Variants in MYLK4 observed in about 807,000 individuals in gnomAD.
MYLK4 encodes the protein myosin light chain kinase family member 4.
In MYLK4, 46 loss-of-function variants were observed where a neutral mutation model predicts 48.1. The ratio of observed to expected loss-of-function variants is 0.96; its 90% CI spans 0.75 to 1.22. The LOEUF is 1.22. Ranked by LOEUF, MYLK4 falls within the 50% of genes most tolerant of loss-of-function variation. The pLI is 0.00. For missense variants in MYLK4, 451 were observed against 486.1 expected, an observed-to-expected ratio of 0.93 and a Z score of 0.68; for synonymous variants, 170 against 180.8, an observed-to-expected ratio of 0.94 and a Z score of 0.48.
chr6:2,765,209 CCGCAAA>C, the MYLK4 span, among the ~76,000 whole-genome samples: 1 of 145,490 alleles, frequency 6.9e-6, no homozygotes, highest in Non-Finnish European at 1.5e-5. Flanking sequence ...TCCCCCGCCC[CCGCAAA>C]GGCTGTTCTC....
At chr6:2,734,340 T>A (rs927712) in intron 2 of MYLK4, among the ~76,000 whole-genome samples, 150,964 of 152,236 alleles carry the variant, frequency 0.99, 74,869 homozygotes, top group Middle Eastern at 1. Flanking sequence ...CACCCTTTGA[T>A]TGGGCGAGGA....
rs1760707927 is a variant in MYLK4, at chr6:2,667,606, G to T, written c.*319C>A. 6.6e-6 allele frequency: 1 copy of T among 152,552 alleles called. No individual in the cohort carries two copies. The highest frequency in any genetic ancestry group is 6.5e-5 in the Admixed American group (1 of 15,268). The allele number at this position is 152,552 out of a possible 1,614,324, so 9.4% of individuals were successfully genotyped here. A position where few individuals can be genotyped will look rare whatever the true frequency, so the allele number is the denominator to read the frequency against. ...AAATGGCAGACATAATGCACCCCCT[G>T]CCCCAGTGACTAAGATCAAAAAATT... is the stretch of plus-strand genomic sequence containing the variant. On this transcript the variant is annotated 3_prime_UTR_variant, in exon 13 of 13. Coordinates refer to ENST00000274643, the MANE Select transcript of MYLK4 (RefSeq NM_001012418.5).
At chr6:2,670,522 G>A (rs1027877814) in intron 12 of MYLK4, among the ~76,000 whole-genome samples, 12 of 152,146 alleles carry the variant, frequency 7.9e-5, no homozygotes, top group Admixed American at 3.9e-4. Context: ...CTAGGCCCCC[G>A]GCAAGGACAT....
chr6:2,750,053 G>A (rs543915557), intron 1 of MYLK4, among the ~76,000 whole-genome samples: 102 of 151,996 alleles, frequency 6.7e-4, no homozygotes, highest in African/African-American at 2.3e-3. Flanking sequence ...TACATAATTC[G>A]CTTTGATACT....
At chr6:2,690,207 C>G (rs1452680938) in intron 3 of MYLK4, among the ~76,000 whole-genome samples, 1 of 152,190 alleles carries the variant, frequency 6.6e-6, no homozygotes, top group Non-Finnish European at 1.5e-5. Flanking sequence ...CTGAGTCGGC[C>G]CCGGGAGCTC....
At chr6:2,745,126 G>T (rs1764035113) in intron 2 of MYLK4, among the ~76,000 whole-genome samples, 1 of 152,296 alleles carries the variant, frequency 6.6e-6, no homozygotes, top group South Asian at 2.1e-4. Context: ...ACCGAGGAAA[G>T]CAGTGAGAAG....
chr6:2,701,809 G>A (rs6921674), intron 2 of MYLK4, among the ~76,000 whole-genome samples: 31,127 of 152,094 alleles, frequency 0.2, 3,265 homozygotes, highest in East Asian at 0.26. Flanking sequence ...ATCAAAATCT[G>A]CTCTTTAACC....
chr6:2,725,008 G>A (rs1293498595), intron 2 of MYLK4, among the ~76,000 whole-genome samples: 1 of 152,134 alleles, frequency 6.6e-6, no homozygotes, highest in African/African-American at 2.4e-5. Flanking sequence ...AAAATTAGCT[G>A]GGCATGGTGG....
chr6:2,703,070 C>G (rs1762351500), intron 2 of MYLK4, among the ~76,000 whole-genome samples: 1 of 152,122 alleles, frequency 6.6e-6, no homozygotes, highest in Non-Finnish European at 1.5e-5. Flanking sequence ...CCCAGGAGCT[C>G]CTCCAACCTC....
intron 3 of MYLK4, among the ~76,000 whole-genome samples, chr6:2,689,203 A>G (rs1446756191): frequency 2.0e-5 from 3 of 152,148 alleles, no homozygotes; most frequent in Non-Finnish European, 4.4e-5. Context: ...TACCATCTTC[A>G]GGATCACTTT....
chr6:2,675,217 A>C (rs1413637759), intron 10 of MYLK4, 92 bp from the exon 11 acceptor site: 1 of 892,244 alleles, frequency 1.1e-6, no homozygotes, highest in African/African-American at 1.6e-5. Context: ...TGCCTTCGGG[A>C]GACCAGATGG....
chr6:2,752,206 T>C (rs1764308130), upstream of MYLK4, among the ~76,000 whole-genome samples: 1 of 152,228 alleles, frequency 6.6e-6, no homozygotes, highest in African/African-American at 2.4e-5. Flanking sequence ...TTTTTTGTAA[T>C]AAACTTTTCC....
rs1235224586 is a variant in MYLK4, at chr6:2,673,024, C to T, written c.1120-1676G>A. On this transcript the variant is annotated intron_variant, in intron 11 of 12. Transcript: ENST00000274643. The surrounding 1 kb of genome is among the most constrained non-coding windows in gnomAD (Gnocchi z 4.2). ...TTTCATTAAAAAAAACCCATCATCA[C>T]TCTTGAACTATCTATTCACCTCAGG... Among the ~76,000 whole-genome samples the T allele has an allele frequency of 6.6e-6, 1 of 152,162 alleles. No homozygotes were observed. Among genetic ancestry groups the T allele is most frequent in the Non-Finnish European group, 1.5e-5 (1 of 68,034 alleles).
chr6:2,682,710 G>A (rs1283446757), intron 7 of MYLK4, among the ~76,000 whole-genome samples: 6 of 152,106 alleles, frequency 3.9e-5, no homozygotes, highest in African/African-American at 1.4e-4. Context: ...CTGATGAGAG[G>A]GCTACCACGT....
chr6:2,762,812 T>A, the MYLK4 span, among the ~76,000 whole-genome samples: 9 of 152,194 alleles, frequency 5.9e-5, no homozygotes, highest in Non-Finnish European at 1.0e-4. Flanking sequence ...CGGAGACCGT[T>A]AGAGGTCTTA....
At chr6:2,744,310 G>A (rs1476581265) in intron 2 of MYLK4, among the ~76,000 whole-genome samples, 3 of 152,218 alleles carry the variant, frequency 2.0e-5, no homozygotes, top group Admixed American at 6.5e-5. Flanking sequence ...AATAATTTAC[G>A]ACGCTGTGAA....
chr6:2,700,215 C>T (rs1762235493), intron 2 of MYLK4, among the ~76,000 whole-genome samples: 1 of 152,158 alleles, frequency 6.6e-6, no homozygotes, highest in African/African-American at 2.4e-5. Flanking sequence ...CGCCCCACCA[C>T]CCCACCTGTT....
At chr6:2,738,919 T>C (rs894206723) in intron 2 of MYLK4, among the ~76,000 whole-genome samples, 5 of 152,250 alleles carry the variant, frequency 3.3e-5, no homozygotes, top group African/African-American at 4.8e-5. Flanking sequence ...CTCTGAGTGA[T>C]AATGATATGT....
At chr6:2,708,245 A>G (rs188945145) in intron 2 of MYLK4, among the ~76,000 whole-genome samples, 1 of 152,342 alleles carries the variant, frequency 6.6e-6, no homozygotes, top group East Asian at 1.9e-4. Context: ...TCAGAAATAA[A>G]AATGTGTGCT....
Sources: gnomAD v4.1 joint callset for allele counts (sites outside exome capture counted in the v4.1 genomes callset) on GRCh38, gnomAD v4.1.1 for gene constraint, Gnocchi (gnomAD v3.1) non-coding constraint, MANE v1.5 for transcripts, NCBI Gene and HGNC (gene_info 2026-07-23, HGNC 2026-07-21) for gene names.